SGCZ: variants seen among roughly 807,000 people sequenced by gnomAD.
SGCZ encodes zeta-sarcoglycan.
Under a neutral mutation model 41.3 loss-of-function variants are expected in SGCZ, and 40 were observed. The observed-to-expected ratio is 0.97, with a 90% CI of 0.75 to 1.26. The LOEUF is 1.26. SGCZ is among the 50% of genes most tolerant of loss of function. The pLI is 0.00. For synonymous variants in SGCZ, 206 were observed against 137.5 expected, an observed-to-expected ratio of 1.50 and a Z score of -3.49; for missense variants, 552 against 369.8, an observed-to-expected ratio of 1.49 and a Z score of -4.04.
intron 5 of SGCZ, among the ~76,000 whole-genome samples, chr8:14,111,445 A>G (rs538214004): frequency 2.0e-5 from 3 of 152,160 alleles, no homozygotes; most frequent in African/African-American, 7.2e-5. Flanking sequence ...AACCATAGAA[A>G]CAAAAAAGAA....
chr8:15,031,170 CT>C (rs1803646119), intron 1 of SGCZ, among the ~76,000 whole-genome samples: 1 of 152,006 alleles, frequency 6.6e-6, no homozygotes, highest in Non-Finnish European at 1.5e-5. Context: ...TGCTATGGCA[CT>C]TTTATTCTTA....
chr8:14,669,452 T>C (rs531141919), intron 1 of SGCZ, among the ~76,000 whole-genome samples: 40 of 152,184 alleles, frequency 2.6e-4, no homozygotes, highest in Non-Finnish European at 4.4e-4. Context: ...TAAAAGTTTG[T>C]ATCCTTTGAC....
intron 5 of SGCZ, among the ~76,000 whole-genome samples, chr8:14,132,155 GCT>G (rs1803060976): frequency 6.6e-6 from 1 of 151,392 alleles, no homozygotes; most frequent in Admixed American, 6.6e-5. Flanking sequence ...TTTCATTTCT[GCT>G]CCTCAGACTC....
intron 3 of SGCZ, among the ~76,000 whole-genome samples, chr8:14,321,575 G>C (rs867068489): frequency 1.3e-5 from 2 of 152,218 alleles, no homozygotes; most frequent in Middle Eastern, 6.8e-3. Flanking sequence ...CTGTATGTCA[G>C]AGTGAAATAC....
chr8:15,168,317 G>T (rs931277851), intron 1 of SGCZ, among the ~76,000 whole-genome samples: 1 of 152,158 alleles, frequency 6.6e-6, no homozygotes, highest in Non-Finnish European at 1.5e-5. Context: ...CCAACCCCAG[G>T]CTTCCTGTTT....
At chr8:14,125,355 T>C (rs1447789073) in intron 5 of SGCZ, among the ~76,000 whole-genome samples, 3 of 151,778 alleles carry the variant, frequency 2.0e-5, no homozygotes, top group Non-Finnish European at 4.4e-5. Flanking sequence ...TACAAAAAAA[T>C]TAGCTGCGTA....
chr8:14,643,560 C>A (rs10087408), intron 1 of SGCZ, among the ~76,000 whole-genome samples: 51,416 of 151,092 alleles, frequency 0.34, 8,936 homozygotes, highest in South Asian at 0.44. Context: ...AAAAGAGAAG[C>A]TTAATCCATG....
chr8:15,007,219 T>A (rs1802636980), intron 1 of SGCZ, among the ~76,000 whole-genome samples: 1 of 152,154 alleles, frequency 6.6e-6, no homozygotes, highest in Non-Finnish European at 1.5e-5. Context: ...ATTTGTAACC[T>A]CCAATACAAA....
intron 4 of SGCZ, 81 bp from the exon 5 acceptor site, chr8:14,164,783 A>G: frequency 6.7e-7 from 1 of 1,487,162 alleles, no homozygotes; most frequent in Non-Finnish European, 9.2e-7. Context: ...TAGACTAGAA[A>G]TGCATATATT....
At chr8:14,620,840 G>T (rs1298094228) in intron 1 of SGCZ, among the ~76,000 whole-genome samples, 7 of 152,140 alleles carry the variant, frequency 4.6e-5, no homozygotes, top group Non-Finnish European at 1.0e-4. Flanking sequence ...CACTGTTGGT[G>T]GGACTGTAAA....
intron 3 of SGCZ, among the ~76,000 whole-genome samples, chr8:14,255,800 T>G (rs569086354): frequency 8.5e-5 from 13 of 152,194 alleles, no homozygotes; most frequent in Admixed American, 8.5e-4. Context: ...ATAAAGAGAT[T>G]TGGCATAAAA....
At chr8:14,111,939 G>A (rs1321990083) in intron 5 of SGCZ, among the ~76,000 whole-genome samples, 2 of 152,066 alleles carry the variant, frequency 1.3e-5, no homozygotes, top group African/African-American at 2.4e-5. Context: ...TTAAATGTAA[G>A]CACCTCTTCT....
At chr8:14,309,116 T>A in intron 3 of SGCZ, 4 of 1,463,748 alleles carry the variant, frequency 2.7e-6, no homozygotes, top group Non-Finnish European at 3.8e-6. Flanking sequence ...CCCAGAACAC[T>A]ATATTAAACA....
chr8:14,464,877 T>C (rs1013597515), intron 2 of SGCZ, among the ~76,000 whole-genome samples: 3 of 151,628 alleles, frequency 2.0e-5, no homozygotes, highest in Non-Finnish European at 4.4e-5. Flanking sequence ...TCCATAAATA[T>C]GTGAATTTTC....
chr8:14,560,211 T>C lies in SGCZ; in HGVS notation c.40-5285A>G, dbSNP rs138989690. Among the ~76,000 whole-genome samples the C allele has an allele frequency of 8.1e-4, 124 of 152,154 alleles. No homozygotes were observed. The East Asian group carries it at 0.022, about 27-fold the overall frequency. Reference sequence around the variant, plus strand: ...CAAAAGAGCTAGGAGAGAAGACTTGTAATGTTCCCAACACAGATAAAAGAT... The same window carrying C: ...CAAAAGAGCTAGGAGAGAAGACTTGCAATGTTCCCAACACAGATAAAAGAT... On this transcript the variant is annotated intron_variant, in intron 1 of 7. Transcript: ENST00000382080.
intron 1 of SGCZ, among the ~76,000 whole-genome samples, chr8:15,098,412 CAA>C (rs1013121635): frequency 1.3e-5 from 2 of 152,138 alleles, no homozygotes; most frequent in Admixed American, 6.5e-5. Flanking sequence ...CAGACCCAAA[CAA>C]ATTTTGACCC....
intron 4 of SGCZ, among the ~76,000 whole-genome samples, chr8:14,223,598 AC>A (rs1485541252): frequency 1.3e-5 from 2 of 152,140 alleles, no homozygotes; most frequent in Non-Finnish European, 2.9e-5. Flanking sequence ...TAAATATAAA[AC>A]TTCAATGTCC....
intron 1 of SGCZ, among the ~76,000 whole-genome samples, chr8:14,818,541 A>G (rs1413575421): frequency 1.3e-5 from 2 of 152,174 alleles, no homozygotes; most frequent in African/African-American, 4.8e-5. Flanking sequence ...AGGAAACATG[A>G]TGGCTTCAAA....
intron 1 of SGCZ, among the ~76,000 whole-genome samples, chr8:15,193,296 T>G (rs1364525336): frequency 1.3e-5 from 2 of 152,106 alleles, no homozygotes; most frequent in Admixed American, 1.3e-4. Flanking sequence ...GAATATAATC[T>G]TAGGCTAGCC....
Sources: allele counts gnomAD v4.1 joint callset (sites outside exome capture counted in the v4.1 genomes callset), GRCh38; gene constraint gnomAD v4.1.1; transcripts MANE v1.5; gene names NCBI Gene and HGNC (gene_info 2026-07-23, HGNC 2026-07-21).